Variants in PIK3CD observed in about 807,000 individuals in gnomAD.
PIK3CD encodes phosphatidylinositol 4,5-bisphosphate 3-kinase catalytic subunit delta isoform.
A neutral mutation model predicts 122.9 loss-of-function variants in PIK3CD; 20 were observed. That is an observed-to-expected ratio of 0.16 (90% confidence interval 0.11 to 0.24). The LOEUF is 0.24. Among genes scored for constraint, PIK3CD ranks in the 10% least tolerant of loss-of-function variants. PIK3CD has a pLI of 1.00. For missense variants in PIK3CD, 787 were observed against 1,406.3 expected (o/e 0.56, Z 7.04); for synonymous variants, 596 against 593.4 (o/e 1.00, Z -0.06).
chr1:9,725,746 A>T (rs1296093767), intron 23 of PIK3CD, among the ~76,000 whole-genome samples: 1 of 151,266 alleles, frequency 6.6e-6, no homozygotes, highest in South Asian at 2.1e-4. Flanking sequence ...GTGTGGTGGC[A>T]CGCACCTGTA....
chr1:9,703,898 G>T (rs893949590), intron 2 of PIK3CD, among the ~76,000 whole-genome samples: 1 of 152,204 alleles, frequency 6.6e-6, no homozygotes, highest in East Asian at 1.9e-4. Flanking sequence ...GGAATTGCTG[G>T]GTCCTAGGGC....
intron 1 of PIK3CD, among the ~76,000 whole-genome samples, chr1:9,685,728 T>G (rs938620963): frequency 1.3e-5 from 2 of 152,144 alleles, no homozygotes; most frequent in African/African-American, 4.8e-5. Context: ...GCAGTGACTA[T>G]TGACAGGTGC....
chr1:9,634,445 A>C, the PIK3CD span, among the ~76,000 whole-genome samples: 4 of 152,014 alleles, frequency 2.6e-5, no homozygotes, highest in Admixed American at 2.0e-4. Flanking sequence ...TACAGGCGTG[A>C]GCTTCCATGC....
At position 9,721,152 on chromosome 1, in the gene PIK3CD, C is replaced by G; in HGVS notation, c.1715C>G (p.Pro572Arg). ...ATGCTCTACCTGCTGTGCTCCTGGC[C>G]GGAGCTGCCCGTCCTGAGCGCCCTG... The part of the protein sequence containing the change: ...AQMLYLLCSW[P>R]ELPVLSALEL... The change falls in exon 14 of 24, where the codon CCG becomes CGG. Residue 572 changes from proline to arginine, a missense_variant. Coordinates refer to ENST00000377346, the MANE Select transcript of PIK3CD (RefSeq NM_005026.5). The G allele has an allele frequency of 1.2e-6, 2 of 1,612,680 alleles. No homozygotes were observed. The highest frequency in any genetic ancestry group is 1.7e-6 in the Non-Finnish European group (2 of 1,179,954).
rs776273008 is a variant in PIK3CD at position 9,715,710 on chromosome 1, G to A, written c.311G>A (p.Arg104His). The change falls in exon 4 of 24, where the codon CGT becomes CAT. Residue 104 changes from arginine to histidine, a missense_variant. Physicochemically the swap from Arg to His is conservative, Grantham distance 29 (BLOSUM62 0). Coordinates refer to ENST00000377346, the MANE Select transcript of PIK3CD (RefSeq NM_005026.5). The surrounding 1 kb of genome is among the most constrained non-coding windows in gnomAD (Gnocchi z 4.1). ...PFLPVLRLVA[R>H]EGDRVKKLIN... ...CTGCCCGTCCTGCGCCTGGTGGCCC[G>A]TGAGGGCGACCGCGTGAAGAAGCTC... 8.1e-6 allele frequency: 13 copies of A among 1,613,590 alleles called. No individual in the cohort carries two copies. Among genetic ancestry groups the A allele is most frequent in the East Asian group, 4.5e-5 (2 of 44,888 alleles).
intron 1 of PIK3CD, chr1:9,654,068 CTCTG>C (rs1409536948): frequency 5.0e-6 from 6 of 1,202,716 alleles, no homozygotes; most frequent in Admixed American, 2.3e-5. Context: ...AAGAGCCCAT[CTCTG>C]AGAAACATAA....
At chr1:9,702,537 T>TTTTTTTTTTA (rs1646683763) in intron 2 of PIK3CD, among the ~76,000 whole-genome samples, 1 of 127,016 alleles carries the variant, frequency 7.9e-6, no homozygotes, top group Non-Finnish European at 1.6e-5. Flanking sequence ...TTTTTTTTTT[T>TTTTTTTTTTA]GAGGCAGAGT....
At chr1:9,712,736 C>T (rs1647105404) in intron 3 of PIK3CD, among the ~76,000 whole-genome samples, 1 of 152,096 alleles carries the variant, frequency 6.6e-6, no homozygotes, top group Non-Finnish European at 1.5e-5. Flanking sequence ...AATATGGACA[C>T]ATTACAATTT....
At chr1:9,671,114 T>A (rs1330666801) in intron 1 of PIK3CD, among the ~76,000 whole-genome samples, 1 of 151,764 alleles carries the variant, frequency 6.6e-6, no homozygotes, top group Non-Finnish European at 1.5e-5. Context: ...GCTGGTCTTT[T>A]TTTGAGATAA....
the PIK3CD span, among the ~76,000 whole-genome samples, chr1:9,639,021 C>T: frequency 6.6e-6 from 1 of 152,136 alleles, no homozygotes; most frequent in East Asian, 2.0e-4. Context: ...CCCACCTTGT[C>T]CTCCCAAAAT....
intron 1 of PIK3CD, among the ~76,000 whole-genome samples, chr1:9,682,267 G>A (rs1645783463): frequency 1.3e-5 from 2 of 152,084 alleles, no homozygotes; most frequent in Non-Finnish European, 2.9e-5. Flanking sequence ...TATTATTTGA[G>A]ACAGAGTTTC....
intron 1 of PIK3CD, among the ~76,000 whole-genome samples, chr1:9,684,792 C>G (rs944176343): frequency 6.8e-6 from 1 of 146,420 alleles, no homozygotes; most frequent in African/African-American, 2.5e-5. Flanking sequence ...AGGTCAAGCA[C>G]CTGTGATAGC....
chr1:9,653,785 C>G, intron 1 of PIK3CD: 1 of 1,365,830 alleles, frequency 7.3e-7, no homozygotes, highest in Non-Finnish European at 9.8e-7. Flanking sequence ...AGTTTCATTT[C>G]TTGATATTAG....
At position 9,652,143 on chromosome 1, in the gene PIK3CD, G is replaced by T. The variant is rs1253176902; in HGVS notation, c.-138+341G>T. On this transcript the variant is annotated intron_variant, in intron 1 of 23. Coordinates refer to ENST00000377346, the MANE Select transcript of PIK3CD (RefSeq NM_005026.5). The surrounding 1 kb of genome is among the most constrained non-coding windows in gnomAD (Gnocchi z 6.2). ...GCGGGGTTTCAGCTGCGCTCACAGC[G>T]GCGGTGCGGCCTCCGGTGCGCCGGC... Among the ~76,000 whole-genome samples the T allele has an allele frequency of 6.6e-6, 1 of 152,154 alleles. No individual in the cohort carries two copies. Among genetic ancestry groups the T allele is most frequent in the Non-Finnish European group, 1.5e-5 (1 of 67,998 alleles).
At chr1:9,674,767 C>T (rs1008209566) in intron 1 of PIK3CD, among the ~76,000 whole-genome samples, 1 of 151,200 alleles carries the variant, frequency 6.6e-6, no homozygotes, top group Admixed American at 6.6e-5. Context: ...CACTGTGGTT[C>T]ATGCTTGTAA....
At chr1:9,674,797 TG>T (rs1433607831) in intron 1 of PIK3CD, among the ~76,000 whole-genome samples, 1 of 151,050 alleles carries the variant, frequency 6.6e-6, no homozygotes, top group African/African-American at 2.4e-5. Flanking sequence ...TTTGGAAGGC[TG>T]AGGTGGGCAG....
intron 3 of PIK3CD, among the ~76,000 whole-genome samples, chr1:9,712,402 T>C (rs1228063606): frequency 1.3e-5 from 2 of 152,026 alleles, no homozygotes; most frequent in South Asian, 4.2e-4. Flanking sequence ...TGCCTCATCT[T>C]CCCAAGTAGC....
chr1:9,627,959 C>T, the PIK3CD span, among the ~76,000 whole-genome samples: 1 of 152,192 alleles, frequency 6.6e-6, no homozygotes. Flanking sequence ...GCAGATGGCA[C>T]CTCCCGCAGG....
At chr1:9,684,096 C>T (rs979928841) in intron 1 of PIK3CD, among the ~76,000 whole-genome samples, 3 of 152,122 alleles carry the variant, frequency 2.0e-5, no homozygotes, top group Non-Finnish European at 4.4e-5. Context: ...CCTCACCTCT[C>T]AAGTCACTTA....
Sources: gnomAD v4.1 joint callset for allele counts (sites outside exome capture counted in the v4.1 genomes callset) on GRCh38, gnomAD v4.1.1 for gene constraint, Gnocchi (gnomAD v3.1) non-coding constraint, MANE v1.5 for transcripts, NCBI Gene and HGNC (gene_info 2026-07-23, HGNC 2026-07-21) for gene names.